ARID5B: variants seen among roughly 807,000 people sequenced by gnomAD.
ARID5B encodes AT-rich interaction domain 5B, also known as AT-rich interactive domain-containing protein 5B.
In ARID5B, 13 loss-of-function variants were observed where a neutral mutation model predicts 97.2. The observed-to-expected ratio is 0.13, with a 90% CI of 0.09 to 0.21. The LOEUF (loss-of-function observed/expected upper bound fraction) is 0.21. Ranked by LOEUF, ARID5B falls within the 10% of genes least tolerant of loss-of-function variation. ARID5B has a pLI of 1.00. For synonymous variants in ARID5B, 556 were observed against 570.3 expected (o/e 0.97, Z 0.36); for missense variants, 1,210 against 1,465.3 (o/e 0.83, Z 2.84).
Position 62,059,196 on chromosome 10 carries a change from G to A in ARID5B, c.1049-47G>A, listed in dbSNP as rs554330965. On this transcript the variant is annotated intron_variant, in intron 6 of 9. Transcript: ENST00000279873. Reference sequence around the variant, plus strand: ...ATGTTTTAATTGACATTTCTTGGAAGTATGTTAATGCAATGCTTATCTAAA... The same window carrying A: ...ATGTTTTAATTGACATTTCTTGGAAATATGTTAATGCAATGCTTATCTAAA... The A allele has an allele frequency of 3.6e-6, 5 of 1,401,224 alleles. 1 individual carries two copies. Among genetic ancestry groups the A allele is most frequent in the South Asian group, 1.3e-5 (1 of 75,972 alleles). The allele number at this position is 1,401,224 out of a possible 1,614,324, so 86.8% of individuals were successfully genotyped here.
rs542897848 is a variant in ARID5B at position 61,946,163 on chromosome 10, A to C, written c.502+5755A>C. On this transcript the variant is annotated intron_variant, in intron 3 of 9. Transcript: ENST00000279873. ...CCATAAGTGGCCAGTTGTATAGGATATCTCAAATACTCTTGGTTAAAAATT... is the reference window on the plus strand; with the variant it reads ...CCATAAGTGGCCAGTTGTATAGGATCTCTCAAATACTCTTGGTTAAAAATT... Among the ~76,000 whole-genome samples the C allele has an allele frequency of 1.8e-3, 270 of 151,838 alleles. 1 individual carries two copies. The highest frequency in any genetic ancestry group is 3.0e-3 in the Non-Finnish European group (202 of 67,918).
chr10:62,096,160 C>G lies in ARID5B; in HGVS notation c.*3130C>G, dbSNP rs977435881. 8 of 233,440 alleles carry G rather than the reference C, an allele frequency of 3.4e-5. No homozygotes were observed. Among genetic ancestry groups the G allele is most frequent in the African/African-American group, 1.8e-4 (8 of 45,324 alleles). The allele number at this position is 233,440 out of a possible 1,614,324, so 14.5% of individuals were successfully genotyped here. ...TACTAGCTAGAAGCTCTTAAGTTCA[C>G]TTGTTTATCAGGGCATATACAGAAG... On this transcript the variant is annotated 3_prime_UTR_variant, in exon 10 of 10. Transcript: ENST00000279873.
At chr10:62,076,578 A>AAAAAAAAAAAC (rs1840139602) in intron 8 of ARID5B, among the ~76,000 whole-genome samples, 1 of 147,918 alleles carries the variant, frequency 6.8e-6, no homozygotes, top group African/African-American at 2.5e-5. Context: ...AAAAAAAAAA[A>AAAAAAAAAAAC]CTACATCTAT....
At chr10:61,960,954 G>A (rs1005016078) in intron 3 of ARID5B, among the ~76,000 whole-genome samples, 2 of 152,180 alleles carry the variant, frequency 1.3e-5, no homozygotes, top group Admixed American at 1.3e-4. Flanking sequence ...TGTAAAATGG[G>A]TATAATAAAT....
At chr10:61,936,269 A>G (rs1469625159) in intron 2 of ARID5B, among the ~76,000 whole-genome samples, 1 of 152,196 alleles carries the variant, frequency 6.6e-6, no homozygotes, top group African/African-American at 2.4e-5. Context: ...CCACCTTCCC[A>G]TAAATAGTAA....
At chr10:61,967,478 T>TA (rs1402670270) in intron 3 of ARID5B, among the ~76,000 whole-genome samples, 5 of 152,214 alleles carry the variant, frequency 3.3e-5, no homozygotes, top group African/African-American at 9.6e-5. Flanking sequence ...ACAGGGGAAA[T>TA]ATGTGGTATG....
At chr10:61,953,169 C>T (rs952579131) in intron 3 of ARID5B, among the ~76,000 whole-genome samples, 6 of 152,162 alleles carry the variant, frequency 3.9e-5, no homozygotes, top group African/African-American at 1.4e-4. Context: ...AGATATTCTC[C>T]ATCTTCCAAC....
chr10:61,905,535 A>T (rs753059839), intron 2 of ARID5B, among the ~76,000 whole-genome samples: 1 of 151,826 alleles, frequency 6.6e-6, no homozygotes. Flanking sequence ...CATTTTACAG[A>T]TGGGGACATA....
Position 62,091,407 on chromosome 10 carries a change from C to T in ARID5B, c.1944C>T (p.Val648=), listed in dbSNP as rs769129940. ...ATGCGCTCAAGCAGACCCCAAAGGT[C>T]CTTGTGGTCCAGTCGTTTGACATGT... The part of the protein sequence containing the change: ...IHNALKQTPK[V]LVVQSFDMFK... The change falls in exon 10 of 10, where the codon GTC becomes GTT. Residue 648 remains valine, a synonymous_variant. Transcript: ENST00000279873. The T allele has an allele frequency of 1.9e-6, 3 of 1,613,398 alleles. No homozygotes were observed. The South Asian group carries it at 3.3e-5, about 18-fold the overall frequency.
intron 2 of ARID5B, among the ~76,000 whole-genome samples, chr10:61,907,035 C>A (rs1843719095): frequency 6.6e-6 from 1 of 152,182 alleles, no homozygotes; most frequent in Non-Finnish European, 1.5e-5. Context: ...GAAACCACTA[C>A]CATGGAGCTT....
intron 8 of ARID5B, among the ~76,000 whole-genome samples, chr10:62,076,447 C>T (rs1172575580): frequency 6.6e-6 from 1 of 151,108 alleles, no homozygotes; most frequent in African/African-American, 2.4e-5. Context: ...ATGTCTGAGG[C>T]ACGAGAATCA....
Position 61,991,047 on chromosome 10 carries a change from C to CACACACACAT in ARID5B, c.503-9035_503-9034insTACACACACA, listed in dbSNP as rs1838917487. ...AATCACAATATTTATCCTGTACACA[C>CACACACACAT]ACACACACACACACACACACACACA... On this transcript the variant is annotated intron_variant, in intron 3 of 9. Coordinates refer to ENST00000279873, the MANE Select transcript of ARID5B (RefSeq NM_032199.3). Among the ~76,000 whole-genome samples the CACACACACAT allele has an allele frequency of 2.6e-5, 4 of 151,200 alleles. No individual in the cohort carries two copies. The South Asian group carries it at 8.4e-4, about 32-fold the overall frequency.
intron 2 of ARID5B, among the ~76,000 whole-genome samples, chr10:61,939,012 G>A (rs1339002787): frequency 1.5e-5 from 2 of 134,842 alleles, no homozygotes; most frequent in African/African-American, 5.2e-5. Flanking sequence ...TGTCGGTGGG[G>A]CAGGGGGAGG....
At chr10:62,001,280 A>G (rs1371245879) in intron 4 of ARID5B, among the ~76,000 whole-genome samples, 1 of 151,906 alleles carries the variant, frequency 6.6e-6, no homozygotes, top group East Asian at 1.9e-4. Flanking sequence ...TACCACTCTC[A>G]CCCTACCCCT....
At position 62,094,162 on chromosome 10, in the gene ARID5B, G is replaced by C. The variant is rs536726289; in HGVS notation, c.*1132G>C. 4.3e-6 allele frequency: 1 copy of C among 233,112 alleles called. No homozygotes were observed. The highest frequency in any genetic ancestry group is 2.2e-5 in the African/African-American group (1 of 45,462). The allele number at this position is 233,112 out of a possible 1,614,324, so 14.4% of individuals were successfully genotyped here. ...CTGCACAGATATTTTAGGAATTTCA[G>C]AAATTAGAACAGGAGCCAAAATGAT... On this transcript the variant is annotated 3_prime_UTR_variant, in exon 10 of 10. Transcript: ENST00000279873.
At chr10:61,959,517 G>A (rs1838440600) in intron 3 of ARID5B, among the ~76,000 whole-genome samples, 1 of 152,122 alleles carries the variant, frequency 6.6e-6, no homozygotes, top group Non-Finnish European at 1.5e-5. Flanking sequence ...AATAACCTGA[G>A]TAATAGGATC....
intron 2 of ARID5B, among the ~76,000 whole-genome samples, chr10:61,910,936 C>A (rs991719904): frequency 1.2e-4 from 19 of 152,274 alleles, no homozygotes; most frequent in South Asian, 4.1e-4. Flanking sequence ...AGTCACATCT[C>A]CATTCCTGTG....
At chr10:62,084,498 A>C (rs957615910) in intron 8 of ARID5B, among the ~76,000 whole-genome samples, 8 of 152,170 alleles carry the variant, frequency 5.3e-5, no homozygotes, top group Non-Finnish European at 1.5e-5. Context: ...AGCCAAGTAC[A>C]TTTTCTTCAT....
chr10:62,087,729 C>G (rs1448985876), intron 9 of ARID5B, among the ~76,000 whole-genome samples: 1 of 152,186 alleles, frequency 6.6e-6, no homozygotes, highest in Admixed American at 6.5e-5. Flanking sequence ...TAGACATCAA[C>G]TTACCCAGCT....
Sources: gnomAD v4.1 joint callset for allele counts (sites outside exome capture counted in the v4.1 genomes callset) on GRCh38, gnomAD v4.1.1 for gene constraint, MANE v1.5 for transcripts, NCBI Gene and HGNC (gene_info 2026-07-23, HGNC 2026-07-21) for gene names.